The following SMC6 variants were observed in gnomAD, a reference collection of about 807,000 sequenced individuals.
SMC6 encodes structural maintenance of chromosomes 6, also known as structural maintenance of chromosomes protein 6.
SMC6 carries 79 observed loss-of-function variants against 142.2 expected under a neutral mutation model. The ratio of observed to expected loss-of-function variants is 0.56; its 90% CI spans 0.46 to 0.67. The LOEUF (loss-of-function observed/expected upper bound fraction) is 0.67. SMC6 is among the 30% of genes least tolerant of loss of function. The pLI is 0.00. For synonymous variants in SMC6, 411 were observed against 412.4 expected (o/e 1.00, Z 0.04); for missense variants, 1,072 against 1,284.0 (o/e 0.83, Z 2.52).
At chr2:17,682,181 T>C (rs1667267392) in intron 24 of SMC6, among the ~76,000 whole-genome samples, 1 of 152,198 alleles carries the variant, frequency 6.6e-6, no homozygotes, top group Non-Finnish European at 1.5e-5. Context: ...TCTAGTTCTC[T>C]TGCCACTTCC....
intron 11 of SMC6, among the ~76,000 whole-genome samples, chr2:17,720,127 T>C (rs1394617096): frequency 6.6e-5 from 10 of 152,320 alleles, no homozygotes; most frequent in African/African-American, 2.4e-4. Flanking sequence ...CTTGTGAGTA[T>C]ACTAAAACCC....
intron 23 of SMC6, among the ~76,000 whole-genome samples, chr2:17,689,009 G>A (rs996565444): frequency 6.6e-6 from 1 of 152,182 alleles, no homozygotes; most frequent in African/African-American, 2.4e-5. Flanking sequence ...TGAAAAGCAG[G>A]ATACTGGCAG....
chr2:17,672,755 A>G (rs1484394683), intron 25 of SMC6, among the ~76,000 whole-genome samples: 2 of 152,140 alleles, frequency 1.3e-5, no homozygotes, highest in Admixed American at 6.5e-5. Flanking sequence ...CAGATCATCT[A>G]TGTTGTGTGC....
At chr2:17,669,304 G>A (rs1165306649) in intron 26 of SMC6, among the ~76,000 whole-genome samples, 1 of 152,192 alleles carries the variant, frequency 6.6e-6, no homozygotes, top group Non-Finnish European at 1.5e-5. Flanking sequence ...ACCAGGTGAT[G>A]TCTAATAGGT....
intron 5 of SMC6, among the ~76,000 whole-genome samples, chr2:17,735,815 TA>T (rs1157110268): frequency 2.0e-5 from 3 of 152,164 alleles, no homozygotes; most frequent in Non-Finnish European, 2.9e-5. Flanking sequence ...TGGCTTCTTC[TA>T]ACAGTATTAG....
chr2:17,745,048 A>G (rs192256616), intron 3 of SMC6, among the ~76,000 whole-genome samples: 4 of 152,342 alleles, frequency 2.6e-5, no homozygotes, highest in African/African-American at 9.6e-5. Flanking sequence ...TTTGGTCTGA[A>G]GCGGAGTCCT....
chr2:17,706,651 T>C (rs1011348494), intron 18 of SMC6, among the ~76,000 whole-genome samples: 1 of 152,162 alleles, frequency 6.6e-6, no homozygotes. Flanking sequence ...TAAGAAATCA[T>C]GGGGTTGTTT....
At chr2:17,675,065 GTTCT>G (rs1168428006) in intron 25 of SMC6, among the ~76,000 whole-genome samples, 3 of 151,876 alleles carry the variant, frequency 2.0e-5, no homozygotes, top group Non-Finnish European at 2.9e-5. Flanking sequence ...TGTTCCATAT[GTTCT>G]TTATTTCTCT....
At chr2:17,714,763 T>C in intron 16 of SMC6, 98 bp downstream of exon 16, 2 of 1,229,540 alleles carry the variant, frequency 1.6e-6, no homozygotes, top group Non-Finnish European at 2.3e-6. Flanking sequence ...TACAAATCAG[T>C]GGTAAAGATA....
chr2:17,675,025 TAGA>T (rs1294889340), intron 25 of SMC6, among the ~76,000 whole-genome samples: 3 of 152,130 alleles, frequency 2.0e-5, no homozygotes, highest in Non-Finnish European at 4.4e-5. Flanking sequence ...CTGATATATC[TAGA>T]TCTGAGCCAT....
chr2:17,709,511 G>A (rs979712648), intron 16 of SMC6, among the ~76,000 whole-genome samples: 1 of 152,182 alleles, frequency 6.6e-6, no homozygotes, highest in Non-Finnish European at 1.5e-5. Flanking sequence ...GATGGTGGTA[G>A]CATTCTTAGT....
At position 17,696,297 on chromosome 2, in the gene SMC6, C is replaced by A; in HGVS notation, c.2524G>T (p.Glu842Ter). The change falls in exon 22 of 28, where the codon GAA becomes TAA. Residue 842 changes from glutamate to a stop codon, truncating the protein, a stop_gained. Coordinates refer to ENST00000448223, the MANE Select transcript of SMC6 (RefSeq NM_001142286.2). LOFTEE classifies it high-confidence loss of function. ...KKRELDMKEKELEEKMSQARQ... is the reference protein window; with the variant it reads ...KKRELDMKEK The stretch of plus-strand genomic sequence containing the variant: ...AAAAAATGGTGAAAAACCTCTAGTT[C>A]TTTCTCTTTCATATCCAGTTCTCGT... 6.3e-7 allele frequency: 1 copy of A among 1,582,798 alleles called. No homozygotes were observed. The highest frequency in any genetic ancestry group is 2.0e-5 in the Admixed American group (1 of 50,634).
chr2:17,670,723 C>A (rs1666716045), intron 25 of SMC6, 148 bp from the exon 26 acceptor site: 4 of 758,518 alleles, frequency 5.3e-6, no homozygotes, highest in South Asian at 2.7e-5. Context: ...CCATTCCTTT[C>A]AAAAAATTTT....
chr2:17,672,925 A>C (rs1188316044), intron 25 of SMC6, among the ~76,000 whole-genome samples: 1 of 152,220 alleles, frequency 6.6e-6, no homozygotes, highest in Non-Finnish European at 1.5e-5. Flanking sequence ...TGAGAAAATA[A>C]GCACTAATTT....
intron 23 of SMC6, among the ~76,000 whole-genome samples, chr2:17,688,097 A>G (rs1474008497): frequency 2.6e-5 from 4 of 152,274 alleles, no homozygotes; most frequent in Admixed American, 6.5e-5. Context: ...GGAGACACCA[A>G]TACAAACTCA....
chr2:17,733,866 C>T (rs960497366), intron 5 of SMC6, among the ~76,000 whole-genome samples: 1 of 152,196 alleles, frequency 6.6e-6, no homozygotes, highest in African/African-American at 2.4e-5. Flanking sequence ...TACACATACA[C>T]CTACAGACTA....
chr2:17,704,486 C>A (rs899642516), intron 18 of SMC6, among the ~76,000 whole-genome samples: 2 of 152,174 alleles, frequency 1.3e-5, no homozygotes, highest in African/African-American at 4.8e-5. Flanking sequence ...CTTTTCCTCA[C>A]TAATCCAAGT....
chr2:17,753,050 T>C lies in SMC6; in HGVS notation c.-78A>G. On this transcript the variant is annotated 5_prime_UTR_variant, in exon 2 of 28. Coordinates refer to ENST00000448223, the MANE Select transcript of SMC6 (RefSeq NM_001142286.2). ...TTTCCGCAATTCCCAATTGGGATTC[T>C]TCTCCGGTTCATTTCTGTAAGAAAT... The C allele has an allele frequency of 1.0e-6, 1 of 984,256 alleles. No individual in the cohort carries two copies. The highest frequency in any genetic ancestry group is 1.7e-5 in the African/African-American group (1 of 57,342). The allele number at this position is 984,256 out of a possible 1,614,324, so 61.0% of individuals were successfully genotyped here.
At position 17,700,253 on chromosome 2, in the gene SMC6, A is replaced by G; in HGVS notation, c.2349T>C (p.Ile783=). The G allele has an allele frequency of 6.2e-7, 1 of 1,609,076 alleles. No homozygotes were observed. The highest frequency in any genetic ancestry group is 8.5e-7 in the Non-Finnish European group (1 of 1,177,794). The change falls in exon 21 of 28, where the codon ATT becomes ATC. Residue 783 remains isoleucine (I), a synonymous_variant. Transcript: ENST00000448223. ...KIEAENKYDA[I]KFKINQLSEL... ...CCGATAGTTGATTAATTTTGAATTTAATTGCATCATACTTATTTTCTGCTT... is the reference window on the plus strand; with the variant it reads ...CCGATAGTTGATTAATTTTGAATTTGATTGCATCATACTTATTTTCTGCTT...
Sources: gnomAD v4.1 joint callset for allele counts (sites outside exome capture counted in the v4.1 genomes callset) on GRCh38, gnomAD v4.1.1 for gene constraint, MANE v1.5 for transcripts, NCBI Gene and HGNC (gene_info 2026-07-23, HGNC 2026-07-21) for gene names.